The following SKAP1 variants were observed in gnomAD, a reference collection of about 807,000 sequenced individuals.
The protein encoded by SKAP1 is src kinase-associated phosphoprotein 1.
Under a neutral mutation model 58.5 loss-of-function variants are expected in SKAP1, and 44 were observed. The observed-to-expected ratio is 0.75, with a 90% CI of 0.59 to 0.97. The LOEUF is 0.97. Among genes scored for constraint, SKAP1 ranks in the 50% least tolerant of loss-of-function variants. SKAP1 has a pLI of 0.00. For missense variants in SKAP1, 390 were observed against 435.2 expected (o/e 0.90, Z 0.92); for synonymous variants, 127 against 149.7 (o/e 0.85, Z 1.11).
chr17:48,213,387 G>A (rs568445792), intron 4 of SKAP1, among the ~76,000 whole-genome samples: 5 of 146,988 alleles, frequency 3.4e-5, no homozygotes, highest in South Asian at 2.2e-4. Flanking sequence ...TGTTGTAAAC[G>A]CCCTGCAAAG....
intron 4 of SKAP1, among the ~76,000 whole-genome samples, chr17:48,222,046 CACA>C: frequency 6.6e-6 from 1 of 152,224 alleles, no homozygotes; most frequent in African/African-American, 2.4e-5. Context: ...CCCAGTCAAC[CACA>C]ACAATGGTGG....
At chr17:48,327,878 C>A (rs946481618) in intron 4 of SKAP1, among the ~76,000 whole-genome samples, 1 of 152,160 alleles carries the variant, frequency 6.6e-6, no homozygotes, top group African/African-American at 2.4e-5. Flanking sequence ...GTGAGCTGCC[C>A]GTCTTGGCCT....
chr17:48,348,337 C>A (rs1482213869), intron 3 of SKAP1, among the ~76,000 whole-genome samples: 1 of 141,614 alleles, frequency 7.1e-6, no homozygotes, highest in South Asian at 2.2e-4. Flanking sequence ...GTGAGCCCTG[C>A]CTCAAAAAAA....
At chr17:48,217,827 G>A (rs1272575431) in intron 4 of SKAP1, among the ~76,000 whole-genome samples, 1 of 152,222 alleles carries the variant, frequency 6.6e-6, no homozygotes, top group Non-Finnish European at 1.5e-5. Flanking sequence ...AAGGATGCCA[G>A]TGCTGACTGA....
chr17:48,227,302 G>A (rs2143762386), intron 4 of SKAP1, among the ~76,000 whole-genome samples: 1 of 152,292 alleles, frequency 6.6e-6, no homozygotes, highest in South Asian at 2.1e-4. Flanking sequence ...ACACAAAGTA[G>A]TTCTGCAATG....
intron 2 of SKAP1, among the ~76,000 whole-genome samples, chr17:48,372,742 G>A (rs1358322452): frequency 6.6e-6 from 1 of 152,220 alleles, no homozygotes; most frequent in Non-Finnish European, 1.5e-5. Flanking sequence ...CTGGGCTCAA[G>A]CAATCTTCCT....
chr17:48,295,175 G>A (rs1001213779), intron 4 of SKAP1, among the ~76,000 whole-genome samples: 5 of 152,098 alleles, frequency 3.3e-5, no homozygotes, highest in African/African-American at 1.2e-4. Flanking sequence ...CGAAGCAACT[G>A]GGCAAAGGAA....
At chr17:48,416,825 A>G (rs1393201632) in intron 1 of SKAP1, among the ~76,000 whole-genome samples, 4 of 152,242 alleles carry the variant, frequency 2.6e-5, no homozygotes, top group African/African-American at 7.2e-5. Flanking sequence ...CACTGAAGTT[A>G]TCAGACCATT....
At chr17:48,406,629 G>A (rs939077123) in intron 1 of SKAP1, among the ~76,000 whole-genome samples, 2 of 151,368 alleles carry the variant, frequency 1.3e-5, no homozygotes, top group Non-Finnish European at 2.9e-5. Context: ...GCAGTGGTGC[G>A]ATCTCGGCTC....
intron 1 of SKAP1, among the ~76,000 whole-genome samples, chr17:48,420,722 T>C (rs2067783451): frequency 6.6e-6 from 1 of 152,182 alleles, no homozygotes; most frequent in Non-Finnish European, 1.5e-5. Flanking sequence ...TTCATGTGAA[T>C]AGGCTTTTGT....
upstream of SKAP1, chr17:48,430,406 C>T: frequency 4.9e-6 from 1 of 205,792 alleles, no homozygotes. Context: ...CCGTGCGAGG[C>T]CAAAGGTGCG....
chr17:48,273,337 CT>C (rs1428373570), intron 4 of SKAP1, among the ~76,000 whole-genome samples: 1 of 152,098 alleles, frequency 6.6e-6, no homozygotes, highest in Non-Finnish European at 1.5e-5. Flanking sequence ...TCAACCTCCA[CT>C]GGACGTTTAG....
intron 4 of SKAP1, among the ~76,000 whole-genome samples, chr17:48,241,258 T>C (rs893661967): frequency 1.5e-4 from 23 of 152,120 alleles, no homozygotes; most frequent in African/African-American, 5.6e-4. Context: ...CTGGATGAAC[T>C]CTGCATTTTC....
intron 2 of SKAP1, among the ~76,000 whole-genome samples, chr17:48,370,037 T>C (rs1430782017): frequency 6.6e-6 from 1 of 152,138 alleles, no homozygotes; most frequent in Non-Finnish European, 1.5e-5. Context: ...ATGACTATAA[T>C]AGATATGATT....
At chr17:48,155,798 A>G (rs2063968752) in intron 11 of SKAP1, among the ~76,000 whole-genome samples, 1 of 152,194 alleles carries the variant, frequency 6.6e-6, no homozygotes, top group Non-Finnish European at 1.5e-5. Context: ...CAGAGGTTGC[A>G]GTGAGCCGAG....
In SKAP1 at chr17:48,257,569, C is replaced by G. The variant is rs2065436929; in HGVS notation, c.281-68069G>C. On this transcript the variant is annotated intron_variant, in intron 4 of 12. Transcript: ENST00000336915. ...ATTCAGAAAATTTGTCGGAAACTTA[C>G]AAAGAAGGAAGATGGTTAGCAGCTT... is the stretch of plus-strand genomic sequence containing the variant. Among the ~76,000 whole-genome samples the G allele has an allele frequency of 1.3e-5, 2 of 150,520 alleles. 1 individual carries two copies. The highest frequency in any genetic ancestry group is 4.2e-4 in the South Asian group (2 of 4,776).
intron 2 of SKAP1, among the ~76,000 whole-genome samples, chr17:48,367,536 G>GTATATATATATATATGGATATATATCCA (rs67346038): frequency 1.4e-4 from 19 of 135,598 alleles, no homozygotes; most frequent in South Asian, 7.8e-4. Context: ...GTATGTGTGT[G>GTATATATATATATATGGATATATATCCA]TATATATATA....
chr17:48,265,475 A>G (rs116476990), intron 4 of SKAP1, among the ~76,000 whole-genome samples: 3,328 of 149,464 alleles, frequency 0.022, 116 homozygotes, highest in African/African-American at 0.075. Flanking sequence ...ACTGCACTCC[A>G]GCCTGGGCCT....
At chr17:48,419,146 A>C (rs776982982) in intron 1 of SKAP1, among the ~76,000 whole-genome samples, 57 of 152,264 alleles carry the variant, frequency 3.7e-4, no homozygotes, top group Non-Finnish European at 1.6e-4. Flanking sequence ...AGAAAGAAAC[A>C]TTAGGCTGTT....
Sources: gnomAD v4.1 joint callset for allele counts (sites outside exome capture counted in the v4.1 genomes callset) on GRCh38, gnomAD v4.1.1 for gene constraint, MANE v1.5 for transcripts, NCBI Gene and HGNC (gene_info 2026-07-23, HGNC 2026-07-21) for gene names.